The following IQCF5 variants were observed in gnomAD, a reference collection of about 807,000 sequenced individuals.
The protein encoded by IQCF5 is IQ motif containing F5.
Under a neutral mutation model 3.4 loss-of-function variants are expected in IQCF5, and 2 were observed. That is an observed-to-expected ratio of 0.58 (90% CI 0.24 to 1.84). The LOEUF (loss-of-function observed/expected upper bound fraction) is 1.84. Ranked by LOEUF, IQCF5 falls within the 40% of genes most tolerant of loss-of-function variation. The probability of loss-of-function intolerance (pLI) is 0.17; values close to 1 mark genes in which losing one functional copy is unlikely to be tolerated. For synonymous variants in IQCF5, 58 were observed against 64.7 expected (o/e 0.90, Z 0.49); for missense variants, 167 against 191.6 (o/e 0.87, Z 0.76).
At chr3:51,875,497 A>T in intron 1 of IQCF5, 31 bp downstream of exon 1, 2 of 1,552,016 alleles carry the variant, frequency 1.3e-6, no homozygotes, top group Non-Finnish European at 1.7e-6. Flanking sequence ...AGGTCGTAAA[A>T]TTCGCACAGG....
chr3:51,875,160 T>G, intron 1 of IQCF5: 1 of 263,304 alleles, frequency 3.8e-6, no homozygotes. Context: ...GGGGGTGGAG[T>G]CGCTTCCCTC....
chr3:51,874,294 A>T (rs1698774035), intron 1 of IQCF5, 119 bp from the exon 2 acceptor site: 1 of 1,016,974 alleles, frequency 9.8e-7, no homozygotes, highest in African/African-American at 1.6e-5. Context: ...AACCCAGGAG[A>T]CCAGGTAGGT....
chr3:51,874,096 T>A lies in IQCF5; in HGVS notation c.84A>T (p.Arg28=), dbSNP rs1393199331. 2 of 1,552,760 alleles carry A rather than the reference T, an allele frequency of 1.3e-6. No homozygotes were observed. Among genetic ancestry groups the A allele is most frequent in the South Asian group, 1.2e-5 (1 of 84,104 alleles). The change falls in exon 2 of 2, where the codon CGA becomes CGT. Residue 28 remains arginine, a synonymous_variant. Coordinates refer to ENST00000446461, the MANE Select transcript of IQCF5 (RefSeq NM_001145059.2). ...IQAWWRGMLV[R]RTLLHAALRA... is the part of the protein sequence containing the mutation. ...TGAGGGCTGCATGCAGCAGTGTGCG[T>A]CGCACCAGCATGCCCCGCCACCAGG...
rs1698765215 is a variant in IQCF5, at chr3:51,873,864, A to T, written c.316T>A (p.Cys106Ser). The part of the protein sequence containing the change: ...IIQVYWRWHS[C>S]HSRVFIEGHY... ...CCCTCAATAAAGACACGGGAATGGCAGCTGTGCCAGCGCCAATAGACCTGG... is the reference window on the plus strand; with the variant it reads ...CCCTCAATAAAGACACGGGAATGGCTGCTGTGCCAGCGCCAATAGACCTGG... Residue 106 changes from cysteine to serine, a missense_variant, in exon 2 of 2, where the codon TGC becomes AGC. By Grantham distance (112) the Cys-to-Ser change is moderately radical (BLOSUM62 -1). Transcript: ENST00000446461. 6.4e-7 allele frequency: 1 copy of T among 1,551,650 alleles called. No individual in the cohort carries two copies. Among genetic ancestry groups the T allele is most frequent in the African/African-American group, 1.4e-5 (1 of 73,078 alleles).
At position 51,875,521 on chromosome 3, in the gene IQCF5, A is replaced by C; in HGVS notation, c.4+7T>G. The C allele has an allele frequency of 6.4e-7, 1 of 1,552,168 alleles. No homozygotes were observed. The highest frequency in any genetic ancestry group is 8.7e-7 in the Non-Finnish European group (1 of 1,147,088). On this transcript the variant is annotated splice_region_variant and intron_variant, in intron 1 of 1. Coordinates refer to ENST00000446461, the MANE Select transcript of IQCF5 (RefSeq NM_001145059.2). ...AATTCGCACAGGTCTGGACTTTACT[A>C]AATTACCCATGGTTAGGGGCTAGAT...
rs1002923600 is a variant in IQCF5, at chr3:51,874,066, A to G, written c.114T>C (p.Ala38=). ...GCCTCCACCAGCACTGAATGATCCAAGCCCTGAGGGCTGCATGCAGCAGTG... is the reference window on the plus strand; with the variant it reads ...GCCTCCACCAGCACTGAATGATCCAGGCCCTGAGGGCTGCATGCAGCAGTG... ...RRTLLHAALR[A]WIIQCWWRQV... is the part of the protein sequence containing the mutation. The change falls in exon 2 of 2, where the codon GCT becomes GCC. Residue 38 remains alanine, a synonymous_variant. Coordinates refer to ENST00000446461, the MANE Select transcript of IQCF5 (RefSeq NM_001145059.2). 6.4e-7 allele frequency: 1 copy of G among 1,553,350 alleles called. No individual in the cohort carries two copies. The highest frequency in any genetic ancestry group is 1.2e-5 in the South Asian group (1 of 84,128).
Position 51,873,829 on chromosome 3 carries a change from T to C in IQCF5, c.351A>G (p.Glu117=), listed in dbSNP as rs1276945337. ...GAATATTAAGTTGGTTTTCTTTGAG[T>C]TCATAGTGGCCCTCAATAAAGACAC... ...HSRVFIEGHY[E]LKENQLNIQL... The change falls in exon 2 of 2, where the codon GAA becomes GAG. Residue 117 remains glutamate (E), a synonymous_variant. Coordinates refer to ENST00000446461, the MANE Select transcript of IQCF5 (RefSeq NM_001145059.2). 1.3e-6 allele frequency: 2 copies of C among 1,551,674 alleles called. No homozygotes were observed. The highest frequency in any genetic ancestry group is 1.7e-6 in the Non-Finnish European group (2 of 1,146,988).
chr3:51,874,062 T>C lies in IQCF5; in HGVS notation c.118A>G (p.Ile40Val), dbSNP rs760253818. 131 of 1,553,202 alleles carry C rather than the reference T, an allele frequency of 8.4e-5. No homozygotes were observed. The highest frequency in any genetic ancestry group is 1.1e-4 in the Non-Finnish European group (122 of 1,147,818). ...TLLHAALRAW[I>V]IQCWWRQVLE... is the part of the protein sequence containing the mutation. ...ACCTGCCTCCACCAGCACTGAATGA[T>C]CCAAGCCCTGAGGGCTGCATGCAGC... is the stretch of plus-strand genomic sequence containing the variant. Residue 40 changes from isoleucine (I) to valine (V), a missense_variant, in exon 2 of 2, where the codon ATC becomes GTC. By Grantham distance (29) the Ile-to-Val change is conservative. Coordinates refer to ENST00000446461, the MANE Select transcript of IQCF5 (RefSeq NM_001145059.2).
rs574300905 is a variant in IQCF5, at chr3:51,874,079, G to A, written c.101C>T (p.Ala34Val). ...CTGAATGATCCAAGCCCTGAGGGCT[G>A]CATGCAGCAGTGTGCGTCGCACCAG... ...GMLVRRTLLH[A>V]ALRAWIIQCW... Residue 34 changes from alanine (A) to valine (V), a missense_variant, in exon 2 of 2, where the codon GCA (alanine) becomes GTA (valine). Transcript: ENST00000446461. 28 of 1,553,204 alleles carry A rather than the reference G, an allele frequency of 1.8e-5. 1 individual carries two copies. The Admixed American group carries it at 4.5e-4, about 25-fold the overall frequency.
At chr3:51,875,097 A>T (rs192418482) in intron 1 of IQCF5, 60 of 218,142 alleles carry the variant, frequency 2.8e-4, no homozygotes, top group Middle Eastern at 1.8e-3. Context: ...CTCTGGACCC[A>T]GCCACTCACG....
intron 1 of IQCF5, chr3:51,875,229 A>C (rs765731832): frequency 1.8e-5 from 8 of 448,180 alleles, no homozygotes; most frequent in Admixed American, 3.4e-5. Flanking sequence ...ATTATGTTTA[A>C]TGATCATTTA....
chr3:51,875,269 G>T, intron 1 of IQCF5: 1 of 547,416 alleles, frequency 1.8e-6, no homozygotes, highest in Non-Finnish European at 3.3e-6. Context: ...TGGAATCAGA[G>T]TGTATGGGGG....
At chr3:51,874,529 G>C in intron 1 of IQCF5, 1 of 457,116 alleles carries the variant, frequency 2.2e-6, no homozygotes, top group Non-Finnish European at 4.3e-6. Flanking sequence ...CCTCCCATCC[G>C]CTGAAGAAGT....
In IQCF5 at chr3:51,874,125, G is replaced by C; in HGVS notation, c.55C>G (p.Gln19Glu). The change falls in exon 2 of 2, where the codon CAG (glutamine) becomes GAG (glutamate). Residue 19 changes from glutamine to glutamate, a missense_variant. Gln to Glu is a conservative substitution (Grantham distance 29). Transcript: ENST00000446461. The stretch of plus-strand genomic sequence containing the variant: ...ACCAGCATGCCCCGCCACCAGGCCT[G>C]GATGAAAACAGCTGCAGACCTTTCT... ...MTERSAAVFIQAWWRGMLVRR... is the reference protein window; with the variant it reads ...MTERSAAVFIEAWWRGMLVRR... 1 of 1,552,372 alleles carries C rather than the reference G, an allele frequency of 6.4e-7. No individual in the cohort carries two copies. Among genetic ancestry groups the C allele is most frequent in the Non-Finnish European group, 8.7e-7 (1 of 1,147,240 alleles).
chr3:51,875,412 CTG>C (rs1698785439), intron 1 of IQCF5, 114 bp downstream of exon 1: 33 of 1,125,950 alleles, frequency 2.9e-5, no homozygotes, highest in Middle Eastern at 1.9e-4. Context: ...TCATGAGTAA[CTG>C]TGGGGAACTT....
In IQCF5 at chr3:51,875,570, AC is replaced by A. The variant is rs1281863517; in HGVS notation, c.-40del. 6.4e-7 allele frequency: 1 copy of A among 1,551,434 alleles called. No individual in the cohort carries two copies. The highest frequency in any genetic ancestry group is 1.2e-5 in the South Asian group (1 of 84,034). On this transcript the variant is annotated 5_prime_UTR_variant, in exon 1 of 2. The change creates a new upstream start codon in the 5' untranslated region. Coordinates refer to ENST00000446461, the MANE Select transcript of IQCF5 (RefSeq NM_001145059.2). Reference sequence around the variant, plus strand: ...ATGGTCCCATCACCCTCCGGCCCGCACTCCTCCGATCAGGACTCCAACAGGA... The same window carrying A: ...ATGGTCCCATCACCCTCCGGCCCGCATCCTCCGATCAGGACTCCAACAGGA...
rs1471648370 is a variant in IQCF5, at chr3:51,873,926, T to C, written c.254A>G (p.Gln85Arg). The change falls in exon 2 of 2, where the codon CAG (glutamine) becomes CGG (arginine). Residue 85 changes from glutamine (Q) to arginine (R), a missense_variant. Transcript: ENST00000446461. The part of the protein sequence containing the change: ...QSWVRMWCVR[Q>R]RYCRLLNAVR... ...AGCGTTGAGCAAACGACAGTAACGC[T>C]GGCGGACACACCACATGCGGACCCA... The C allele has an allele frequency of 1.9e-6, 3 of 1,551,850 alleles. No individual in the cohort carries two copies. Among genetic ancestry groups the C allele is most frequent in the East Asian group, 4.9e-5 (2 of 40,922 alleles).
chr3:51,875,492 G>A lies in IQCF5; in HGVS notation c.4+36C>T, dbSNP rs182153521. On this transcript the variant is annotated intron_variant, in intron 1 of 1. Coordinates refer to ENST00000446461, the MANE Select transcript of IQCF5 (RefSeq NM_001145059.2). ...CAAAACATCTGACTGGGGACAGGTC[G>A]TAAAATTCGCACAGGTCTGGACTTT... 1.4e-3 allele frequency: 2,095 copies of A among 1,551,590 alleles called. 6 individuals are homozygous for A. Among genetic ancestry groups the A allele is most frequent in the Admixed American group, 2.4e-3 (120 of 50,996 alleles).
chr3:51,873,888 G>C lies in IQCF5; in HGVS notation c.292C>G (p.Gln98Glu). The stretch of plus-strand genomic sequence containing the variant: ...CAGCTGTGCCAGCGCCAATAGACCT[G>C]GATGATGCGGACAGCGTTGAGCAAA... ...CRLLNAVRIIQVYWRWHSCHS... is the reference protein window; with the variant it reads ...CRLLNAVRIIEVYWRWHSCHS... The change falls in exon 2 of 2, where the codon CAG becomes GAG. Residue 98 changes from glutamine (Q) to glutamate (E), a missense_variant. Gln to Glu is a conservative substitution (Grantham distance 29, BLOSUM62 2). Coordinates refer to ENST00000446461, the MANE Select transcript of IQCF5 (RefSeq NM_001145059.2). 1 of 1,551,786 alleles carries C rather than the reference G, an allele frequency of 6.4e-7. No individual in the cohort carries two copies. The highest frequency in any genetic ancestry group is 8.7e-7 in the Non-Finnish European group (1 of 1,147,010).
Sources: allele counts gnomAD v4.1 joint callset, GRCh38; gene constraint gnomAD v4.1.1; transcripts MANE v1.5; gene names NCBI Gene and HGNC (gene_info 2026-07-23, HGNC 2026-07-21).